TULP4: variants seen among roughly 807,000 people sequenced by gnomAD.
The protein encoded by TULP4 is tubby-related protein 4.
In TULP4, 16 loss-of-function variants were observed where a neutral mutation model predicts 129.0. The observed-to-expected ratio is 0.12, with a 90% CI of 0.08 to 0.19. TULP4 has a LOEUF of 0.19. Among genes scored for constraint, TULP4 ranks in the 10% least tolerant of loss-of-function variants. TULP4 has a pLI of 1.00. For missense variants in TULP4, 1,842 were observed against 2,059.1 expected (o/e 0.89, Z 2.04); for synonymous variants, 998 against 854.0 (o/e 1.17, Z -2.94).
chr6:158,446,753 T>G (rs1204706644), intron 3 of TULP4, among the ~76,000 whole-genome samples: 1 of 152,184 alleles, frequency 6.6e-6, no homozygotes, highest in Admixed American at 6.5e-5. Flanking sequence ...CCAATTTGGT[T>G]CCTGGTGGAG....
Position 158,503,285 on chromosome 6 carries a change from T to C in TULP4, c.3622T>C (p.Ser1208Pro), listed in dbSNP as rs1342122308. ...PPLPGVQAPC[S>P]PKDALSPTQF... Reference sequence around the variant, plus strand: ...TTTGCCTGGAGTGCAGGCTCCCTGCTCTCCCAAAGATGCCCTGTCCCCAAC... The same window carrying C: ...TTTGCCTGGAGTGCAGGCTCCCTGCCCTCCCAAAGATGCCCTGTCCCCAAC... The change falls in exon 13 of 14, where the codon TCT becomes CCT. Residue 1208 changes from serine to proline, a missense_variant. Coordinates refer to ENST00000367097, the MANE Select transcript of TULP4 (RefSeq NM_020245.5). The surrounding 1 kb of genome is among the most constrained non-coding windows in gnomAD (Gnocchi z 4.3). 6.2e-7 allele frequency: 1 copy of C among 1,613,572 alleles called. No homozygotes were observed.
At chr6:158,403,044 A>G (rs977497034) in intron 1 of TULP4, among the ~76,000 whole-genome samples, 1 of 152,210 alleles carries the variant, frequency 6.6e-6, no homozygotes, top group African/African-American at 2.4e-5. Context: ...AGTAAAAGTG[A>G]TACTGGAAAA....
chr6:158,261,428 A>G (rs536314915), intron 1 of TULP4, among the ~76,000 whole-genome samples: 11 of 152,282 alleles, frequency 7.2e-5, no homozygotes, highest in African/African-American at 2.4e-4. Context: ...CTGAAGTTTT[A>G]GAGTAGCTTA....
At position 158,316,056 on chromosome 6, in the gene TULP4, C is replaced by G. The variant is rs369710151; in HGVS notation, c.252+1788C>G. On this transcript the variant is annotated intron_variant, in intron 1 of 13. Transcript: ENST00000367097. The stretch of plus-strand genomic sequence containing the variant: ...TGGAAATGGAATCCTTCATTACATA[C>G]TCTCTGTGTCTGGCTTCTTTCACTC... Among the ~76,000 whole-genome samples the G allele has an allele frequency of 7.9e-5, 12 of 152,366 alleles. 1 individual carries two copies. The highest frequency in any genetic ancestry group is 2.9e-4 in the African/African-American group (12 of 41,580).
intron 1 of TULP4, among the ~76,000 whole-genome samples, chr6:158,394,135 G>T (rs1777653611): frequency 6.6e-6 from 1 of 152,172 alleles, no homozygotes; most frequent in Admixed American, 6.5e-5. Context: ...CAAGTTCAAA[G>T]TTCCACAGTT....
intron 5 of TULP4, among the ~76,000 whole-genome samples, chr6:158,457,051 G>C (rs1450482723): frequency 1.3e-5 from 2 of 152,048 alleles, no homozygotes; most frequent in Non-Finnish European, 2.9e-5. Flanking sequence ...GGTAAATACT[G>C]GGATGAGACA....
chr6:158,246,996 AAC>A (rs1365983534), intron 1 of TULP4, among the ~76,000 whole-genome samples: 5 of 152,218 alleles, frequency 3.3e-5, no homozygotes, highest in Non-Finnish European at 5.9e-5. Flanking sequence ...TTTAATCAGA[AAC>A]ACAATTAGAG....
intron 1 of TULP4, among the ~76,000 whole-genome samples, chr6:158,270,149 G>A (rs1258387835): frequency 2.6e-5 from 4 of 152,036 alleles, no homozygotes; most frequent in African/African-American, 9.7e-5. Context: ...ATCTTTAATA[G>A]CCTTCTATTT....
intron 1 of TULP4, among the ~76,000 whole-genome samples, chr6:158,355,481 G>T (rs1780624092): frequency 6.6e-6 from 1 of 152,150 alleles, no homozygotes; most frequent in South Asian, 2.1e-4. Flanking sequence ...AGAGTGGATG[G>T]AGCCCTGAGT....
Position 158,502,110 on chromosome 6 carries a change from A to G in TULP4, c.2447A>G (p.Asp816Gly), listed in dbSNP as rs1479422149. The change falls in exon 13 of 14, where the codon GAC (aspartate) becomes GGC (glycine). Residue 816 changes from aspartate (D) to glycine (G), a missense_variant. Coordinates refer to ENST00000367097, the MANE Select transcript of TULP4 (RefSeq NM_020245.5). ...ACACCGCAGCTGGCAGCTGAGGGGG[A>G]CGCAGTGGTCTTTAGTGCCCCCCAG... ...RPTPQLAAEG[D>G]AVVFSAPQEV... 1 of 1,610,102 alleles carries G rather than the reference A, an allele frequency of 6.2e-7. No individual in the cohort carries two copies. The highest frequency in any genetic ancestry group is 8.5e-7 in the Non-Finnish European group (1 of 1,178,080).
chr6:158,502,846 G>T lies in TULP4; in HGVS notation c.3183G>T (p.Pro1061=), dbSNP rs35426837. 1.2e-6 allele frequency: 2 copies of T among 1,613,454 alleles called. No individual in the cohort carries two copies. The highest frequency in any genetic ancestry group is 1.3e-5 in the African/African-American group (1 of 75,004). The part of the protein sequence containing the change: ...ASLAHTASAS[P]LASQSSYSLL... Reference sequence around the variant, plus strand: ...TGGCCCATACCGCCAGCGCCTCCCCGTTGGCCTCCCAGTCCTCCTACAGCC... The same window carrying T: ...TGGCCCATACCGCCAGCGCCTCCCCTTTGGCCTCCCAGTCCTCCTACAGCC... The change falls in exon 13 of 14, where the codon CCG becomes CCT. Residue 1061 remains proline, a synonymous_variant. Transcript: ENST00000367097.
intron 6 of TULP4, among the ~76,000 whole-genome samples, chr6:158,476,905 G>A (rs958862825): frequency 5.3e-5 from 8 of 152,170 alleles, no homozygotes; most frequent in African/African-American, 1.2e-4. Context: ...CAGTGGAGCT[G>A]GGGAGGGATG....
intron 9 of TULP4, 80 bp downstream of exon 9, chr6:158,489,812 A>G (rs964225996): frequency 2.6e-6 from 4 of 1,557,516 alleles, no homozygotes; most frequent in Non-Finnish European, 3.5e-6. Context: ...AATCGCATTG[A>G]AACTGACCAG....
intron 1 of TULP4, among the ~76,000 whole-genome samples, chr6:158,361,130 T>G (rs762730488): frequency 3.8e-4 from 58 of 152,216 alleles, no homozygotes; most frequent in Non-Finnish European, 7.3e-4. Context: ...TTAAAGTTGA[T>G]GTAGAATTGC....
At chr6:158,255,002 G>T (rs1307308524) in intron 1 of TULP4, among the ~76,000 whole-genome samples, 1 of 152,232 alleles carries the variant, frequency 6.6e-6, no homozygotes, top group Non-Finnish European at 1.5e-5. Context: ...AACCCAGGAG[G>T]TGGAGGTTGC....
At chr6:158,490,509 A>AT (rs1038663550) in intron 9 of TULP4, among the ~76,000 whole-genome samples, 8 of 152,054 alleles carry the variant, frequency 5.3e-5, no homozygotes, top group South Asian at 2.1e-4. Context: ...TAATTCTGTG[A>AT]TTTTTTTTCT....
chr6:158,424,677 C>A (rs1399124706), intron 2 of TULP4, among the ~76,000 whole-genome samples: 1 of 152,094 alleles, frequency 6.6e-6, no homozygotes. Flanking sequence ...ATGTTCAATA[C>A]AAATGTAATT....
At chr6:158,318,876 C>T (rs967204731) in intron 1 of TULP4, among the ~76,000 whole-genome samples, 7 of 150,216 alleles carry the variant, frequency 4.7e-5, no homozygotes, top group Admixed American at 2.0e-4. Flanking sequence ...CAGACATATG[C>T]CACAATGTTC....
At chr6:158,487,514 T>C (rs1049422141) in intron 8 of TULP4, among the ~76,000 whole-genome samples, 1 of 152,202 alleles carries the variant, frequency 6.6e-6, no homozygotes, top group African/African-American at 2.4e-5. Context: ...AGAATTGAGA[T>C]GTAAAGCCCC....
Sources: gnomAD v4.1 joint callset for allele counts (sites outside exome capture counted in the v4.1 genomes callset) on GRCh38, gnomAD v4.1.1 for gene constraint, Gnocchi (gnomAD v3.1) non-coding constraint, MANE v1.5 for transcripts, NCBI Gene and HGNC (gene_info 2026-07-23, HGNC 2026-07-21) for gene names.